SLIT3: variants seen among roughly 807,000 people sequenced by gnomAD.
SLIT3 encodes slit guidance ligand 3.
Under a neutral mutation model 184.0 loss-of-function variants are expected in SLIT3, and 68 were observed. The observed-to-expected ratio is 0.37, with a 90% CI of 0.30 to 0.45. The LOEUF is 0.45. SLIT3 is among the 20% of genes least tolerant of loss of function. SLIT3 has a pLI of 1.00. For synonymous variants in SLIT3, 831 were observed against 828.6 expected, an observed-to-expected ratio of 1.00 and a Z score of -0.05; for missense variants, 1,707 against 2,026.0, an observed-to-expected ratio of 0.84 and a Z score of 3.02.
chr5:168,860,886 T>A (rs1035396503), intron 5 of SLIT3, among the ~76,000 whole-genome samples: 1 of 152,222 alleles, frequency 6.6e-6, no homozygotes, highest in African/African-American at 2.4e-5. Flanking sequence ...TCTGCCCGAC[T>A]CTGGTGCTTC....
At chr5:168,885,166 G>A (rs1012874139) in intron 4 of SLIT3, among the ~76,000 whole-genome samples, 3 of 152,168 alleles carry the variant, frequency 2.0e-5, no homozygotes, top group African/African-American at 4.8e-5. Context: ...GAAACTTGAC[G>A]ATCATCTGGG....
At chr5:169,129,190 T>A (rs9688032) in intron 4 of SLIT3, among the ~76,000 whole-genome samples, 54,568 of 151,952 alleles carry the variant, frequency 0.36, 10,019 homozygotes, top group East Asian at 0.47. Flanking sequence ...CACGTGTGAG[T>A]AAGATGCCCC....
intron 4 of SLIT3, among the ~76,000 whole-genome samples, chr5:168,972,306 C>A (rs1754601208): frequency 7.4e-6 from 1 of 135,006 alleles, no homozygotes; most frequent in Non-Finnish European, 1.6e-5. Flanking sequence ...TAGATTCAAC[C>A]TGGCTTGTTG....
At chr5:169,193,650 A>G in intron 3 of SLIT3, 100 bp from the exon 4 acceptor site, 2 of 869,346 alleles carry the variant, frequency 2.3e-6, no homozygotes, top group Non-Finnish European at 4.0e-6. Context: ...ATCAATAGGC[A>G]TTAAGAGACT....
At chr5:168,899,958 C>A (rs1172652585) in intron 4 of SLIT3, among the ~76,000 whole-genome samples, 1 of 152,098 alleles carries the variant, frequency 6.6e-6, no homozygotes, top group African/African-American at 2.4e-5. Context: ...CACACAGAGG[C>A]CCCGGGAAAA....
Position 169,268,080 on chromosome 5 carries a change from T to C in SLIT3, c.198-16621A>G, listed in dbSNP as rs570401332. ...AAACACTAATAAAGTGAGTTCAGGCTGAGCTGTGACTTTAAAGGAAATTCT... is the reference window on the plus strand; with the variant it reads ...AAACACTAATAAAGTGAGTTCAGGCCGAGCTGTGACTTTAAAGGAAATTCT... On this transcript the variant is annotated intron_variant, in intron 1 of 35. Coordinates refer to ENST00000519560, the MANE Select transcript of SLIT3 (RefSeq NM_003062.4). Among the ~76,000 whole-genome samples the C allele has an allele frequency of 2.2e-4, 34 of 152,360 alleles. No individual in the cohort carries two copies. In the South Asian group the frequency reaches 6.8e-3, roughly 31 times the overall value.
At chr5:168,745,427 T>G (rs1365025426) in intron 20 of SLIT3, among the ~76,000 whole-genome samples, 1 of 152,182 alleles carries the variant, frequency 6.6e-6, no homozygotes, top group East Asian at 1.9e-4. Flanking sequence ...TTTTTTTTTT[T>G]TTGAGACAGA....
intron 1 of SLIT3, among the ~76,000 whole-genome samples, chr5:169,293,479 A>G (rs1767414649): frequency 6.6e-6 from 1 of 152,172 alleles, no homozygotes; most frequent in Non-Finnish European, 1.5e-5. Flanking sequence ...CATCCTGATC[A>G]TGCTCTGATA....
chr5:168,879,386 G>C lies in SLIT3; in HGVS notation c.485+3879C>G, dbSNP rs1340722716. 2.0e-5 allele frequency among the ~76,000 whole-genome samples: 3 copies of C among 152,194 alleles called. No individual in the cohort carries two copies. In the East Asian group the frequency reaches 5.8e-4, roughly 29 times the overall value. On this transcript the variant is annotated intron_variant, in intron 5 of 35. Transcript: ENST00000519560. ...AAGGTAGACAATCTCCATAACTGAG[G>C]ACTGGTAGGAGGAGGAGTGTTTCCT...
intron 24 of SLIT3, among the ~76,000 whole-genome samples, 189 bp downstream of exon 24, chr5:168,712,094 G>A (rs371004307): frequency 5.3e-5 from 8 of 152,176 alleles, no homozygotes; most frequent in Admixed American, 2.0e-4. Flanking sequence ...TTACATAATT[G>A]AGGATTCCTT....
intron 7 of SLIT3, among the ~76,000 whole-genome samples, 184 bp from the exon 8 acceptor site, chr5:168,817,647 G>A (rs1193779680): frequency 6.6e-6 from 1 of 152,178 alleles, no homozygotes; most frequent in Non-Finnish European, 1.5e-5. Context: ...TTCATTGCCA[G>A]GTCACATCCA....
chr5:169,152,784 G>T (rs1015705919), intron 4 of SLIT3, among the ~76,000 whole-genome samples: 1 of 152,102 alleles, frequency 6.6e-6, no homozygotes, highest in African/African-American at 2.4e-5. Context: ...CCCTGACACT[G>T]TGAGTGTCCT....
At chr5:169,096,412 A>G (rs35013507) in intron 4 of SLIT3, among the ~76,000 whole-genome samples, 6,906 of 152,326 alleles carry the variant, frequency 0.045, 212 homozygotes, top group Middle Eastern at 0.1. Flanking sequence ...GTTTTTCTGC[A>G]AAGGGCCAGA....
intron 4 of SLIT3, among the ~76,000 whole-genome samples, chr5:169,090,888 G>A (rs1051084758): frequency 3.3e-5 from 5 of 152,246 alleles, no homozygotes; most frequent in Admixed American, 6.5e-5. Flanking sequence ...CCAGAACTGC[G>A]AAAGAATACG....
chr5:169,026,881 C>T (rs1356407268), intron 4 of SLIT3, among the ~76,000 whole-genome samples: 1 of 152,042 alleles, frequency 6.6e-6, no homozygotes, highest in African/African-American at 2.4e-5. Flanking sequence ...CTCTACTGTA[C>T]CAGGCACTGT....
At chr5:169,243,076 C>T (rs1765458590) in intron 3 of SLIT3, among the ~76,000 whole-genome samples, 1 of 152,038 alleles carries the variant, frequency 6.6e-6, no homozygotes, top group Non-Finnish European at 1.5e-5. Flanking sequence ...GTTTCTTCAT[C>T]TGCAAAATGA....
In SLIT3 at chr5:169,183,937, T is replaced by C. The variant is rs2112187; in HGVS notation, c.413+9542A>G. Among the ~76,000 whole-genome samples, 2,937 of 152,294 alleles carry C rather than the reference T, an allele frequency of 0.019. 170 individuals are homozygous for C. In the East Asian group the frequency reaches 0.22, roughly 12 times the overall value. Reference sequence around the variant, plus strand: ...TTTTCTTTCCTTCTTAAAAAAAATTTAAAAACAATTTCCAAGCTGGCAGAA... The same window carrying C: ...TTTTCTTTCCTTCTTAAAAAAAATTCAAAAACAATTTCCAAGCTGGCAGAA... On this transcript the variant is annotated intron_variant, in intron 4 of 35. Transcript: ENST00000519560.
intron 4 of SLIT3, among the ~76,000 whole-genome samples, chr5:169,161,666 T>A (rs971002799): frequency 6.6e-6 from 1 of 151,980 alleles, no homozygotes; most frequent in Non-Finnish European, 1.5e-5. Flanking sequence ...TTTTTTTTTT[T>A]TCATGTATGG....
intron 20 of SLIT3, among the ~76,000 whole-genome samples, chr5:168,728,953 T>A (rs1174094412): frequency 9.5e-5 from 14 of 147,646 alleles, no homozygotes; most frequent in Non-Finnish European, 1.9e-4. Flanking sequence ...AAAAGCCAAC[T>A]GAGAAATTCT....
Sources: allele counts gnomAD v4.1 joint callset (sites outside exome capture counted in the v4.1 genomes callset), GRCh38; gene constraint gnomAD v4.1.1; transcripts MANE v1.5; gene names NCBI Gene and HGNC (gene_info 2026-07-23, HGNC 2026-07-21).